Variants in LRBA observed in about 807,000 individuals in gnomAD.
LRBA encodes the protein lipopolysaccharide-responsive and beige-like anchor protein.
In LRBA, 176 loss-of-function variants were observed where a neutral mutation model predicts 330.0. The ratio of observed to expected loss-of-function variants is 0.53; its 90% CI spans 0.47 to 0.60. The LOEUF (loss-of-function observed/expected upper bound fraction) is 0.60. Ranked by LOEUF, LRBA falls within the 20% of genes least tolerant of loss-of-function variation. The pLI is 0.00. For missense variants in LRBA, 3,259 were observed against 3,444.8 expected (o/e 0.95, Z 1.35); for synonymous variants, 1,230 against 1,193.0 (o/e 1.03, Z -0.64).
chr4:150,431,706 G>T (rs1750404051), intron 46 of LRBA, among the ~76,000 whole-genome samples: 1 of 151,758 alleles, frequency 6.6e-6, no homozygotes, highest in Admixed American at 6.6e-5. Flanking sequence ...TACATAAGTG[G>T]CTTATATTTG....
At chr4:150,480,028 T>G (rs539144120) in intron 42 of LRBA, among the ~76,000 whole-genome samples, 1 of 152,320 alleles carries the variant, frequency 6.6e-6, no homozygotes, top group East Asian at 1.9e-4. Flanking sequence ...CCAAATTAGG[T>G]ATGCTAAAAG....
At chr4:150,609,812 A>G (rs1300653297) in intron 37 of LRBA, among the ~76,000 whole-genome samples, 1 of 152,198 alleles carries the variant, frequency 6.6e-6, no homozygotes, top group Non-Finnish European at 1.5e-5. Context: ...AGGAAAAGAC[A>G]AAGTCCAAAG....
intron 40 of LRBA, among the ~76,000 whole-genome samples, chr4:150,578,506 GTT>G (rs555090525): frequency 2.6e-5 from 4 of 152,062 alleles, no homozygotes; most frequent in Non-Finnish European, 4.4e-5. Context: ...ATAATTAAAA[GTT>G]TATTTAACCA....
intron 40 of LRBA, among the ~76,000 whole-genome samples, chr4:150,573,160 A>T (rs1043081978): frequency 1.3e-5 from 2 of 152,126 alleles, no homozygotes; most frequent in Non-Finnish European, 2.9e-5. Flanking sequence ...TGAGCCAGGA[A>T]ATCTACTGAC....
intron 48 of LRBA, among the ~76,000 whole-genome samples, chr4:150,346,843 C>G (rs1736428558): frequency 6.8e-6 from 1 of 147,796 alleles, no homozygotes; most frequent in African/African-American, 2.5e-5. Context: ...ATCACATAAT[C>G]CAGAAATTCC....
chr4:150,704,017 C>T (rs917551518), intron 36 of LRBA, among the ~76,000 whole-genome samples: 1 of 152,000 alleles, frequency 6.6e-6, no homozygotes, highest in African/African-American at 2.4e-5. Context: ...CTCTCCTGCA[C>T]AATATATAGC....
intron 25 of LRBA, 133 bp from the exon 26 acceptor site, chr4:150,849,131 C>T (rs1292422396): frequency 3.2e-6 from 2 of 634,288 alleles, no homozygotes; most frequent in East Asian, 2.9e-5. Flanking sequence ...GTGATTTATA[C>T]TTATTATTTC....
chr4:150,981,452 A>C (rs1414100711), intron 2 of LRBA, among the ~76,000 whole-genome samples: 1 of 151,518 alleles, frequency 6.6e-6, no homozygotes, highest in African/African-American at 2.4e-5. Flanking sequence ...ATATGGAACC[A>C]CAAAAGACCC....
At chr4:150,793,373 T>A (rs1209260453) in intron 34 of LRBA, among the ~76,000 whole-genome samples, 1 of 152,140 alleles carries the variant, frequency 6.6e-6, no homozygotes, top group East Asian at 1.9e-4. Flanking sequence ...TAAATGAACA[T>A]AACTACACTA....
intron 5 of LRBA, among the ~76,000 whole-genome samples, chr4:150,920,319 T>C (rs1579205946): frequency 6.6e-6 from 1 of 151,986 alleles, no homozygotes; most frequent in Admixed American, 6.6e-5. Flanking sequence ...GAGGCTGAGG[T>C]GGGTGGATCA....
Position 150,847,577 on chromosome 4 carries a change from G to A in LRBA, c.4339+1241C>T, listed in dbSNP as rs549128456. Reference sequence around the variant, plus strand: ...CCACTTCCATGTTATGTTTTCATAGGTGCTTTATCTCTTCATATGACCATG... The same window carrying A: ...CCACTTCCATGTTATGTTTTCATAGATGCTTTATCTCTTCATATGACCATG... On this transcript the variant is annotated intron_variant, in intron 26 of 56. Coordinates refer to ENST00000651943, the MANE Select transcript of LRBA (RefSeq NM_001364905.1). Among the ~76,000 whole-genome samples, 93 of 152,188 alleles carry A rather than the reference G, an allele frequency of 6.1e-4. 2 individuals are homozygous for A. Among genetic ancestry groups the A allele is most frequent in the Admixed American group, 3.6e-3 (55 of 15,266 alleles).
rs60439116 is a variant in LRBA, at chr4:150,683,744, T to TA, written c.5755-28dup. 313 of 1,512,612 alleles carry TA rather than the reference T, an allele frequency of 2.1e-4. 4 individuals carry two copies. The African/African-American group carries it at 4.0e-3, about 19-fold the overall frequency. 93.7% of individuals were successfully genotyped at this position (1,512,612 alleles called of 1,614,324 possible). A position where few individuals can be genotyped will look rare whatever the true frequency, so the allele number is the denominator to read the frequency against. ...TTGGAGAGAAAAAAAAATAATACTATAAAAAATGTGAAAAAAACCTTTAAA... is the reference window on the plus strand; with the variant it reads ...TTGGAGAGAAAAAAAAATAATACTATAAAAAAATGTGAAAAAAACCTTTAAA... On this transcript the variant is annotated intron_variant, in intron 36 of 56. Transcript: ENST00000651943.
chr4:150,347,645 CAAAA>C (rs57952007), intron 48 of LRBA, among the ~76,000 whole-genome samples: 25 of 133,878 alleles, frequency 1.9e-4, no homozygotes, highest in South Asian at 2.6e-4. Context: ...GACTCTGTCT[CAAAA>C]AAAAAAAAAA....
intron 46 of LRBA, chr4:150,423,250 C>T (rs890881784): frequency 3.5e-5 from 40 of 1,144,998 alleles, no homozygotes; most frequent in Admixed American, 2.2e-4. Flanking sequence ...AGAGCTGACA[C>T]GCAGCCGCCT....
At chr4:150,660,567 G>A (rs1171682133) in intron 37 of LRBA, among the ~76,000 whole-genome samples, 3 of 149,244 alleles carry the variant, frequency 2.0e-5, no homozygotes, top group Non-Finnish European at 4.5e-5. Flanking sequence ...TCTGGGAGGT[G>A]TGCCCAACAG....
chr4:150,533,391 C>G (rs1265790205), intron 40 of LRBA, among the ~76,000 whole-genome samples: 1 of 152,038 alleles, frequency 6.6e-6, no homozygotes, highest in African/African-American at 2.4e-5. Flanking sequence ...CCAGGCTGTT[C>G]TCTAACTCCT....
chr4:150,802,749 C>T (rs7671635), intron 33 of LRBA, among the ~76,000 whole-genome samples: 126,652 of 152,038 alleles, frequency 0.83, 53,983 homozygotes, highest in Non-Finnish European at 0.94. Flanking sequence ...TATGGCCAGA[C>T]GCAGTGGCTC....
chr4:150,805,538 G>GGAGGAGAA (rs1742601122), intron 33 of LRBA, among the ~76,000 whole-genome samples: 2 of 70,662 alleles, frequency 2.8e-5, no homozygotes, highest in African/African-American at 1.3e-4. Flanking sequence ...AGGAAAGGAA[G>GGAGGAGAA]GGAGAAGGAA....
intron 36 of LRBA, among the ~76,000 whole-genome samples, chr4:150,695,238 T>G (rs573301930): frequency 6.6e-6 from 1 of 152,210 alleles, no homozygotes; most frequent in South Asian, 2.1e-4. Context: ...CACAGAATTA[T>G]ATTTTAAAAC....
Sources: gnomAD v4.1 joint callset for allele counts (sites outside exome capture counted in the v4.1 genomes callset) on GRCh38, gnomAD v4.1.1 for gene constraint, MANE v1.5 for transcripts, NCBI Gene and HGNC (gene_info 2026-07-23, HGNC 2026-07-21) for gene names.